Variants in CNTN5 observed in about 807,000 individuals in gnomAD.
CNTN5 encodes contactin 5, also known as contactin-5.
CNTN5 carries 77 observed loss-of-function variants against 129.1 expected under a neutral mutation model. The ratio of observed to expected loss-of-function variants is 0.60; its 90% CI spans 0.50 to 0.72. CNTN5 has a LOEUF of 0.72. CNTN5 is among the 30% of genes least tolerant of loss of function. The probability of loss-of-function intolerance (pLI) is 0.00; values close to 1 mark genes in which losing one functional copy is unlikely to be tolerated. For synonymous variants in CNTN5, 509 were observed against 465.6 expected, an observed-to-expected ratio of 1.09 and a Z score of -1.20; for missense variants, 1,478 against 1,328.8, an observed-to-expected ratio of 1.11 and a Z score of -1.75.
chr11:99,634,927 G>A (rs1422016403), intron 3 of CNTN5, among the ~76,000 whole-genome samples: 2 of 152,068 alleles, frequency 1.3e-5, no homozygotes, highest in East Asian at 1.9e-4. Flanking sequence ...AACTCTCACC[G>A]GTGTAATTAA....
rs570736472 is a variant in CNTN5, at chr11:99,494,809, G to A, written c.-70-61336G>A. 3.3e-5 allele frequency among the ~76,000 whole-genome samples: 5 copies of A among 152,128 alleles called. No homozygotes were observed. The South Asian group carries it at 8.3e-4, about 25-fold the overall frequency. On this transcript the variant is annotated intron_variant, in intron 2 of 24. Coordinates refer to ENST00000524871, the MANE Select transcript of CNTN5 (RefSeq NM_014361.4). Reference sequence around the variant, plus strand: ...GCTGTATAATTATTGTTTCTTCCCAGGATATTAATCTTGACCTTAGGGAAC... The same window carrying A: ...GCTGTATAATTATTGTTTCTTCCCAAGATATTAATCTTGACCTTAGGGAAC...
intron 3 of CNTN5, among the ~76,000 whole-genome samples, chr11:99,615,538 C>T (rs1216018085): frequency 6.6e-6 from 1 of 152,096 alleles, no homozygotes. Flanking sequence ...CTGAAACTGA[C>T]TTGTTCTTTT....
At chr11:99,726,021 G>A (rs1186607081) in intron 3 of CNTN5, among the ~76,000 whole-genome samples, 1 of 152,186 alleles carries the variant, frequency 6.6e-6, no homozygotes, top group Non-Finnish European at 1.5e-5. Context: ...CTATTCTGAA[G>A]TAGCCAACTC....
intron 3 of CNTN5, among the ~76,000 whole-genome samples, chr11:99,721,638 C>G (rs545129312): frequency 6.6e-6 from 1 of 152,234 alleles, no homozygotes; most frequent in African/African-American, 2.4e-5. Flanking sequence ...CAAGCGGGAT[C>G]TACTTAAACT....
At chr11:99,960,282 T>C (rs185491841) in intron 8 of CNTN5, among the ~76,000 whole-genome samples, 57 of 152,302 alleles carry the variant, frequency 3.7e-4, no homozygotes, top group African/African-American at 1.3e-3. Context: ...CGAGTCTAAT[T>C]CATAGCTTTT....
intron 6 of CNTN5, among the ~76,000 whole-genome samples, chr11:99,859,082 G>A (rs553966207): frequency 1.9e-4 from 29 of 152,150 alleles, no homozygotes; most frequent in Admixed American, 6.6e-5. Flanking sequence ...ACCTGACTCT[G>A]TGTCTAGATC....
intron 6 of CNTN5, among the ~76,000 whole-genome samples, chr11:99,875,709 T>C (rs1282692802): frequency 6.6e-6 from 1 of 151,664 alleles, no homozygotes; most frequent in Non-Finnish European, 1.5e-5. Context: ...CAAATTGTCT[T>C]GCTAAAAGTC....
At chr11:99,273,797 G>T (rs1591453658) in intron 1 of CNTN5, among the ~76,000 whole-genome samples, 1 of 150,564 alleles carries the variant, frequency 6.6e-6, no homozygotes, top group East Asian at 2.0e-4. Flanking sequence ...TTATACTTAT[G>T]ATTTTTTTTT....
intron 13 of CNTN5, among the ~76,000 whole-genome samples, chr11:100,108,452 GAC>G (rs1315698150): frequency 6.6e-6 from 1 of 151,998 alleles, no homozygotes; most frequent in Admixed American, 6.6e-5. Flanking sequence ...AAATGGGAGA[GAC>G]ACATATTTTC....
At chr11:99,041,425 T>C (rs1188735386) in intron 1 of CNTN5, among the ~76,000 whole-genome samples, 1 of 152,174 alleles carries the variant, frequency 6.6e-6, no homozygotes, top group Non-Finnish European at 1.5e-5. Flanking sequence ...AAGTAACCAC[T>C]CTCACACTTC....
chr11:99,552,392 C>A (rs947743189), intron 2 of CNTN5, among the ~76,000 whole-genome samples: 1 of 151,932 alleles, frequency 6.6e-6, no homozygotes, highest in African/African-American at 2.4e-5. Flanking sequence ...ATATGACATT[C>A]TAGTAGGAGA....
At chr11:100,227,072 A>C (rs1454034281) in intron 16 of CNTN5, among the ~76,000 whole-genome samples, 1 of 152,094 alleles carries the variant, frequency 6.6e-6, no homozygotes, top group Non-Finnish European at 1.5e-5. Flanking sequence ...CAATTTCCCC[A>C]TTCATCTTTT....
chr11:99,937,083 T>C (rs757249035), intron 7 of CNTN5, among the ~76,000 whole-genome samples: 1 of 152,278 alleles, frequency 6.6e-6, no homozygotes, highest in East Asian at 1.9e-4. Context: ...TAAAACAGGA[T>C]CTTGAGCTAG....
intron 2 of CNTN5, among the ~76,000 whole-genome samples, chr11:99,470,547 A>AT: frequency 6.6e-6 from 1 of 152,100 alleles, no homozygotes; most frequent in East Asian, 1.9e-4. Flanking sequence ...ATACTGGTTC[A>AT]TTTTTCAAGT....
At chr11:99,927,673 C>T (rs541765221) in intron 7 of CNTN5, among the ~76,000 whole-genome samples, 1 of 152,240 alleles carries the variant, frequency 6.6e-6, no homozygotes, top group South Asian at 2.1e-4. Flanking sequence ...TAACTGCTCT[C>T]ATGATTAAAT....
chr11:99,915,119 A>G (rs77077276), intron 6 of CNTN5, among the ~76,000 whole-genome samples: 8,425 of 152,188 alleles, frequency 0.055, 350 homozygotes, highest in Non-Finnish European at 0.09. Flanking sequence ...TCATGGAAAC[A>G]TGATTTACAG....
chr11:99,961,968 A>T lies in CNTN5; in HGVS notation c.877+4959A>T, dbSNP rs544698704. 2.9e-4 allele frequency among the ~76,000 whole-genome samples: 43 copies of T among 146,962 alleles called. 1 individual carries two copies. In the South Asian group the frequency reaches 9.0e-3, roughly 31 times the overall value. ...AAATTTTCGATATATACGTAGAGAG[A>T]CATATAGATAGATATAGTTATATAT... On this transcript the variant is annotated intron_variant, in intron 8 of 24. Coordinates refer to ENST00000524871, the MANE Select transcript of CNTN5 (RefSeq NM_014361.4).
chr11:100,190,862 G>C (rs555298396), intron 13 of CNTN5, among the ~76,000 whole-genome samples: 35 of 151,870 alleles, frequency 2.3e-4, no homozygotes, highest in African/African-American at 6.8e-4. Context: ...CACCCCTTCT[G>C]CAAGTTTTAA....
intron 1 of CNTN5, among the ~76,000 whole-genome samples, chr11:99,220,177 T>C (rs1860328727): frequency 6.6e-6 from 1 of 152,024 alleles, no homozygotes; most frequent in Non-Finnish European, 1.5e-5. Flanking sequence ...TTTCTATTAT[T>C]AGAACACATT....
Sources: allele counts gnomAD v4.1 joint callset (sites outside exome capture counted in the v4.1 genomes callset), GRCh38; gene constraint gnomAD v4.1.1; transcripts MANE v1.5; gene names NCBI Gene and HGNC (gene_info 2026-07-23, HGNC 2026-07-21).